HECW1: variants seen among roughly 807,000 people sequenced by gnomAD.
HECW1 encodes the protein E3 ubiquitin-protein ligase HECW1.
HECW1 carries 61 observed loss-of-function variants against 182.3 expected under a neutral mutation model. The ratio of observed to expected loss-of-function variants is 0.33; its 90% CI spans 0.27 to 0.41. The LOEUF (loss-of-function observed/expected upper bound fraction) is 0.41, where lower values mean the gene tolerates loss of function less well. Ranked by LOEUF, HECW1 falls within the 10% of genes least tolerant of loss-of-function variation. The pLI is 1.00. For missense variants in HECW1, 1,739 were observed against 2,108.9 expected, an observed-to-expected ratio of 0.82 and a Z score of 3.44; for synonymous variants, 859 against 832.6, an observed-to-expected ratio of 1.03 and a Z score of -0.55.
intron 2 of HECW1, among the ~76,000 whole-genome samples, chr7:43,170,771 A>T (rs894594388): frequency 6.6e-6 from 1 of 152,190 alleles, no homozygotes; most frequent in Non-Finnish European, 1.5e-5. Flanking sequence ...CCAGTGAGGG[A>T]TGAAAGTGGC....
intron 6 of HECW1, among the ~76,000 whole-genome samples, chr7:43,374,801 T>C (rs13238354): frequency 1.9e-5 from 2 of 105,578 alleles, no homozygotes; most frequent in African/African-American, 3.1e-5. Flanking sequence ...AAAAAAAAAA[T>C]AGAGAAATAT....
intron 3 of HECW1, among the ~76,000 whole-genome samples, chr7:43,276,793 A>G (rs1198161680): frequency 6.6e-6 from 1 of 152,190 alleles, no homozygotes; most frequent in Non-Finnish European, 1.5e-5. Flanking sequence ...CAAGTTCTTT[A>G]TTTGGCACAT....
At chr7:43,178,810 C>A (rs1394282182) in intron 2 of HECW1, among the ~76,000 whole-genome samples, 1 of 152,180 alleles carries the variant, frequency 6.6e-6, no homozygotes, top group Non-Finnish European at 1.5e-5. Context: ...TCAACTCCAG[C>A]CCACTTGGAC....
At chr7:43,197,599 A>C (rs762753682) in intron 2 of HECW1, among the ~76,000 whole-genome samples, 1 of 152,118 alleles carries the variant, frequency 6.6e-6, no homozygotes, top group Non-Finnish European at 1.5e-5. Context: ...CTGAGCCCCT[A>C]AATCTGTATC....
rs1441631302 is a variant in HECW1, at chr7:43,561,677, A to G, written c.4710-138A>G. On this transcript the variant is annotated intron_variant, in intron 29 of 29. Coordinates refer to ENST00000395891, the MANE Select transcript of HECW1 (RefSeq NM_015052.5). Reference sequence around the variant, plus strand: ...AGAGGAATGTGGCTCTTTAGTGTGCAATGTTTTATGGTGGTCCTAAATCAT... The same window carrying G: ...AGAGGAATGTGGCTCTTTAGTGTGCGATGTTTTATGGTGGTCCTAAATCAT... The G allele has an allele frequency of 1.5e-5, 9 of 607,476 alleles. No homozygotes were observed. The Admixed American group carries it at 1.5e-4, about 10-fold the overall frequency. 37.6% of individuals were successfully genotyped at this position (607,476 alleles called of 1,614,324 possible).
chr7:43,289,910 T>A lies in HECW1; in HGVS notation c.28-21853T>A, dbSNP rs557843079. 1.2e-3 allele frequency among the ~76,000 whole-genome samples: 183 copies of A among 152,312 alleles called. 1 individual carries two copies. The highest frequency in any genetic ancestry group is 3.7e-3 in the African/African-American group (153 of 41,560). The stretch of plus-strand genomic sequence containing the variant: ...TAGATGGGTTTTAGGGATTCTTTAG[T>A]TGACAATTGGTTGAGAGAGTTGAGC... On this transcript the variant is annotated intron_variant, in intron 3 of 29. Transcript: ENST00000395891.
At chr7:43,551,214 C>A (rs2081814038) in intron 27 of HECW1, among the ~76,000 whole-genome samples, 1 of 152,146 alleles carries the variant, frequency 6.6e-6, no homozygotes, top group Admixed American at 6.5e-5. Flanking sequence ...AAAGGAGGTA[C>A]CACCACAGGA....
intron 5 of HECW1, among the ~76,000 whole-genome samples, chr7:43,341,119 T>G (rs905342126): frequency 6.6e-6 from 1 of 151,524 alleles, no homozygotes; most frequent in Admixed American, 6.6e-5. Context: ...TGAGAACACT[T>G]GGACACAGGG....
intron 2 of HECW1, among the ~76,000 whole-genome samples, chr7:43,215,296 G>C (rs1340182637): frequency 6.6e-6 from 1 of 152,260 alleles, no homozygotes; most frequent in East Asian, 1.9e-4. Flanking sequence ...TGTCCCCAGA[G>C]AGGCTGAAAG....
At chr7:43,458,232 A>G (rs1320727661) in intron 13 of HECW1, among the ~76,000 whole-genome samples, 2 of 152,326 alleles carry the variant, frequency 1.3e-5, no homozygotes, top group East Asian at 1.9e-4. Flanking sequence ...ATAAGCTCCA[A>G]TTGTTTAGCA....
intron 3 of HECW1, among the ~76,000 whole-genome samples, chr7:43,290,550 C>T (rs932678442): frequency 6.6e-6 from 1 of 152,228 alleles, no homozygotes; most frequent in Non-Finnish European, 1.5e-5. Context: ...CATGTCTGGC[C>T]TCCCTTCTTG....
intron 3 of HECW1, among the ~76,000 whole-genome samples, chr7:43,267,772 T>G (rs938004774): frequency 2.0e-5 from 3 of 152,044 alleles, no homozygotes; most frequent in Non-Finnish European, 4.4e-5. Flanking sequence ...AAGAGAAATA[T>G]TAATAGAAAT....
chr7:43,502,024 C>T (rs1373921672), intron 21 of HECW1, among the ~76,000 whole-genome samples: 1 of 152,176 alleles, frequency 6.6e-6, no homozygotes, highest in Non-Finnish European at 1.5e-5. Context: ...GTCTGCAAAG[C>T]CTCAAATATT....
intron 2 of HECW1, among the ~76,000 whole-genome samples, chr7:43,133,216 A>G (rs547211862): frequency 6.6e-6 from 1 of 151,952 alleles, no homozygotes; most frequent in East Asian, 1.9e-4. Flanking sequence ...AGTTTTATAT[A>G]TATATGATAT....
intron 3 of HECW1, among the ~76,000 whole-genome samples, chr7:43,247,761 A>G (rs1799531791): frequency 8.6e-6 from 1 of 116,212 alleles, no homozygotes; most frequent in African/African-American, 3.9e-5. Context: ...GAGGAAGGGA[A>G]AGAGAGGAAA....
intron 5 of HECW1, among the ~76,000 whole-genome samples, chr7:43,353,469 T>TC (rs754123152): frequency 6.6e-6 from 1 of 151,570 alleles, no homozygotes; most frequent in Admixed American, 6.6e-5. Context: ...TGGCTTCACT[T>TC]CCCCCCACAG....
intron 7 of HECW1, among the ~76,000 whole-genome samples, chr7:43,404,165 T>C (rs2075525984): frequency 6.6e-6 from 1 of 152,222 alleles, no homozygotes; most frequent in Non-Finnish European, 1.5e-5. Context: ...TTATACCTCT[T>C]ATTGCAACAG....
chr7:43,197,824 G>C (rs1279497420), intron 2 of HECW1, among the ~76,000 whole-genome samples: 3 of 152,048 alleles, frequency 2.0e-5, no homozygotes, highest in Non-Finnish European at 2.9e-5. Context: ...AAATTATTAA[G>C]GATTTCAAGA....
intron 6 of HECW1, among the ~76,000 whole-genome samples, chr7:43,392,536 A>T (rs2075076387): frequency 6.6e-6 from 1 of 152,206 alleles, no homozygotes; most frequent in Non-Finnish European, 1.5e-5. Context: ...AAGACAATTT[A>T]ACCCAAAATT....
Sources: allele counts gnomAD v4.1 joint callset (sites outside exome capture counted in the v4.1 genomes callset), GRCh38; gene constraint gnomAD v4.1.1; transcripts MANE v1.5; gene names NCBI Gene and HGNC (gene_info 2026-07-23, HGNC 2026-07-21).